CNTN1: variants seen among roughly 807,000 people sequenced by gnomAD.
CNTN1 encodes the protein contactin-1.
Under a neutral mutation model 126.4 loss-of-function variants are expected in CNTN1, and 38 were observed. The observed-to-expected ratio is 0.30, with a 90% CI of 0.23 to 0.39. The LOEUF (loss-of-function observed/expected upper bound fraction) is 0.39, where lower values mean the gene tolerates loss of function less well. CNTN1 is among the 10% of genes least tolerant of loss of function. The pLI is 1.00. For synonymous variants in CNTN1, 413 were observed against 422.6 expected, an observed-to-expected ratio of 0.98 and a Z score of 0.28; for missense variants, 1,009 against 1,248.4, an observed-to-expected ratio of 0.81 and a Z score of 2.89.
intron 1 of CNTN1, among the ~76,000 whole-genome samples, chr12:40,851,946 C>A (rs1942730091): frequency 6.6e-6 from 1 of 152,008 alleles, no homozygotes; most frequent in South Asian, 2.1e-4. Flanking sequence ...AGTTTTGGGC[C>A]CTCTGAGGTG....
At chr12:40,994,897 G>GA in intron 17 of CNTN1, among the ~76,000 whole-genome samples, 1 of 152,004 alleles carries the variant, frequency 6.6e-6, no homozygotes, top group East Asian at 1.9e-4. Flanking sequence ...CCGACTTTGA[G>GA]AAAACTCAAT....
chr12:40,837,282 TAAGG>T (rs1202226788), intron 1 of CNTN1, among the ~76,000 whole-genome samples: 1 of 151,876 alleles, frequency 6.6e-6, no homozygotes, highest in African/African-American at 2.4e-5. Context: ...TGGAATTCAA[TAAGG>T]AAGTGACAAA....
chr12:40,830,909 C>A (rs1941801289), intron 1 of CNTN1, among the ~76,000 whole-genome samples: 1 of 105,776 alleles, frequency 9.5e-6, no homozygotes, highest in Admixed American at 1.2e-4. Context: ...CTACCATAAT[C>A]CTAAGTGGTA....
At chr12:41,061,867 C>G in intron 23 of CNTN1, 1 of 454,688 alleles carries the variant, frequency 2.2e-6, no homozygotes, top group South Asian at 1.6e-5. Flanking sequence ...ATATAACTAG[C>G]TATTGACAGA....
In CNTN1 at chr12:40,814,773, A is replaced by G. The variant is rs554301392; in HGVS notation, c.-76-93584A>G. 5.3e-5 allele frequency among the ~76,000 whole-genome samples: 8 copies of G among 152,226 alleles called. No individual in the cohort carries two copies. In the South Asian group the frequency reaches 1.5e-3, roughly 28 times the overall value. ...GCTTGATGGGGATGGCATTGAATCT[A>G]TAAATTACCTTGGGCATATGGACAT... On this transcript the variant is annotated intron_variant, in intron 1 of 23. Transcript: ENST00000551295.
At chr12:41,002,294 G>C (rs1287120305) in intron 17 of CNTN1, among the ~76,000 whole-genome samples, 1 of 150,388 alleles carries the variant, frequency 6.6e-6, no homozygotes, top group Non-Finnish European at 1.5e-5. Flanking sequence ...CCATTTGTTT[G>C]TATCATCTCT....
At position 40,969,204 on chromosome 12, in the gene CNTN1, C is replaced by T. The variant is rs141910889; in HGVS notation, c.1804+9970C>T. Among the ~76,000 whole-genome samples the T allele has an allele frequency of 3.3e-5, 5 of 152,128 alleles. No individual in the cohort carries two copies. In the East Asian group the frequency reaches 9.7e-4, roughly 29 times the overall value. On this transcript the variant is annotated intron_variant, in intron 15 of 23. Coordinates refer to ENST00000551295, the MANE Select transcript of CNTN1 (RefSeq NM_001843.4). Reference sequence around the variant, plus strand: ...ACTATGCAGTGCTTTCTTGAGGGAGCCTTTTGTGGGCTTGCTTTCCACCCA... The same window carrying T: ...ACTATGCAGTGCTTTCTTGAGGGAGTCTTTTGTGGGCTTGCTTTCCACCCA...
chr12:41,030,103 A>G (rs1949117798), intron 23 of CNTN1, among the ~76,000 whole-genome samples: 1 of 152,004 alleles, frequency 6.6e-6, no homozygotes, highest in African/African-American at 2.4e-5. Flanking sequence ...AATCTGTACA[A>G]CAAACCCCAT....
chr12:40,940,915 T>G (rs531601960), intron 12 of CNTN1, among the ~76,000 whole-genome samples: 1 of 152,312 alleles, frequency 6.6e-6, no homozygotes, highest in African/African-American at 2.4e-5. Context: ...CAGCTACATG[T>G]GTAGGTGCTT....
chr12:40,947,025 T>G (rs1455752396), intron 14 of CNTN1, among the ~76,000 whole-genome samples: 2 of 152,056 alleles, frequency 1.3e-5, no homozygotes, highest in Non-Finnish European at 2.9e-5. Context: ...AGATGTATAT[T>G]TCTTTTAAGA....
intron 14 of CNTN1, among the ~76,000 whole-genome samples, chr12:40,949,336 A>G (rs1592306415): frequency 6.6e-6 from 1 of 151,212 alleles, no homozygotes; most frequent in Non-Finnish European, 1.5e-5. Flanking sequence ...TGCAGGTCAC[A>G]TATGTATACA....
intron 1 of CNTN1, among the ~76,000 whole-genome samples, chr12:40,777,201 TCAAC>T (rs1565720897): frequency 6.6e-6 from 1 of 151,640 alleles, no homozygotes; most frequent in Non-Finnish European, 1.5e-5. Flanking sequence ...ATACATCTAG[TCAAC>T]CATGCTAGGA....
chr12:40,738,995 C>T (rs550734649), intron 1 of CNTN1, among the ~76,000 whole-genome samples: 1 of 152,110 alleles, frequency 6.6e-6, no homozygotes, highest in Admixed American at 6.6e-5. Context: ...AACAGTGGTT[C>T]TTAACCTTGG....
intron 12 of CNTN1, among the ~76,000 whole-genome samples, chr12:40,940,998 C>A (rs146489828): frequency 4.6e-5 from 7 of 152,286 alleles, no homozygotes; most frequent in Non-Finnish European, 8.8e-5. Context: ...ATAATAAAAT[C>A]TTTTTCTGAT....
intron 1 of CNTN1, among the ~76,000 whole-genome samples, chr12:40,739,933 A>G (rs1210221175): frequency 6.6e-6 from 1 of 152,088 alleles, no homozygotes; most frequent in Non-Finnish European, 1.5e-5. Context: ...CAGACATGCC[A>G]TATCTTGCTT....
intron 1 of CNTN1, among the ~76,000 whole-genome samples, chr12:40,713,581 A>G (rs1035232721): frequency 2.0e-5 from 3 of 152,002 alleles, no homozygotes; most frequent in African/African-American, 7.2e-5. Flanking sequence ...GACATAACAC[A>G]TATAAATGCC....
intron 1 of CNTN1, among the ~76,000 whole-genome samples, chr12:40,809,530 T>A (rs981087764): frequency 2.0e-5 from 3 of 152,098 alleles, no homozygotes; most frequent in Non-Finnish European, 4.4e-5. Context: ...TATATATATA[T>A]AAAACATTTA....
At chr12:40,788,667 C>G (rs994724784) in intron 1 of CNTN1, among the ~76,000 whole-genome samples, 2 of 152,118 alleles carry the variant, frequency 1.3e-5, no homozygotes, top group Non-Finnish European at 2.9e-5. Flanking sequence ...AGGCTTGAGT[C>G]AGCCATAATT....
intron 1 of CNTN1, among the ~76,000 whole-genome samples, chr12:40,767,666 C>A (rs1392348794): frequency 6.6e-6 from 1 of 151,360 alleles, no homozygotes; most frequent in African/African-American, 2.4e-5. Context: ...CGGCGTCTTG[C>A]TCTGTCGCCC....
Sources: allele counts gnomAD v4.1 joint callset (sites outside exome capture counted in the v4.1 genomes callset), GRCh38; gene constraint gnomAD v4.1.1; transcripts MANE v1.5; gene names NCBI Gene and HGNC (gene_info 2026-07-23, HGNC 2026-07-21).